The following IGSF5 variants were observed in gnomAD, a reference collection of about 807,000 sequenced individuals.
The protein encoded by IGSF5 is immunoglobulin superfamily 5 like.
Under a neutral mutation model 39.4 loss-of-function variants are expected in IGSF5, and 41 were observed. The ratio of observed to expected loss-of-function variants is 1.04; its 90% CI spans 0.81 to 1.35. IGSF5 has a LOEUF of 1.35. IGSF5 is among the 40% of genes most tolerant of loss of function. The pLI, the probability that IGSF5 is intolerant of heterozygous loss-of-function variation, is 0.00. For missense variants in IGSF5, 487 were observed against 494.6 expected (o/e 0.98, Z 0.15); for synonymous variants, 183 against 175.3 (o/e 1.04, Z -0.34).
At chr21:39,757,728 C>T (rs1002201344) in intron 2 of IGSF5, among the ~76,000 whole-genome samples, 1 of 152,048 alleles carries the variant, frequency 6.6e-6, no homozygotes, top group Non-Finnish European at 1.5e-5. Context: ...AGGTGCATAC[C>T]ACCACACCTG....
chr21:39,727,516 C>A, the IGSF5 span, among the ~76,000 whole-genome samples: 44 of 152,300 alleles, frequency 2.9e-4, no homozygotes, highest in East Asian at 2.5e-3. Context: ...ACAAGGCAAC[C>A]AAGAGCTCAG....
intron 8 of IGSF5, among the ~76,000 whole-genome samples, chr21:39,798,492 G>A (rs151228274): frequency 1.3e-5 from 2 of 152,242 alleles, no homozygotes; most frequent in Non-Finnish European, 2.9e-5. Flanking sequence ...AGCTCAGGGC[G>A]GTGTATGGCG....
the IGSF5 span, among the ~76,000 whole-genome samples, chr21:39,739,771 C>T: frequency 5.3e-5 from 8 of 152,150 alleles, no homozygotes; most frequent in South Asian, 1.2e-3. Flanking sequence ...TCCAGGGGTC[C>T]GCGGTAGATC....
the IGSF5 span, among the ~76,000 whole-genome samples, chr21:39,715,790 A>G: frequency 6.6e-6 from 1 of 152,194 alleles, no homozygotes; most frequent in Non-Finnish European, 1.5e-5. Context: ...CACGGGCTTT[A>G]TAATTAGCAT....
At chr21:39,786,852 G>A (rs878926219) in intron 5 of IGSF5, among the ~76,000 whole-genome samples, 8 of 151,828 alleles carry the variant, frequency 5.3e-5, no homozygotes, top group African/African-American at 9.7e-5. Flanking sequence ...GTAAACTATC[G>A]CAAGAACAAA....
intron 2 of IGSF5, among the ~76,000 whole-genome samples, chr21:39,754,804 G>A (rs2837157): frequency 0.71 from 107,825 of 152,100 alleles, 40,933 homozygotes; most frequent in Non-Finnish European, 0.84. Flanking sequence ...TTTAATTAAA[G>A]CAGCTTGTCT....
intron 2 of IGSF5, among the ~76,000 whole-genome samples, chr21:39,764,957 A>C (rs1356586955): frequency 1.3e-5 from 2 of 152,182 alleles, no homozygotes; most frequent in Non-Finnish European, 2.9e-5. Context: ...GGATGTTGCC[A>C]GCTGGCAGAG....
At chr21:39,754,033 T>C (rs1368024915) in intron 2 of IGSF5, among the ~76,000 whole-genome samples, 4 of 152,188 alleles carry the variant, frequency 2.6e-5, no homozygotes, top group African/African-American at 9.7e-5. Flanking sequence ...ATTCATCATG[T>C]TAGTTGTTAC....
At chr21:39,757,616 A>C (rs2146275081) in intron 2 of IGSF5, among the ~76,000 whole-genome samples, 1 of 141,828 alleles carries the variant, frequency 7.1e-6, no homozygotes, top group African/African-American at 2.7e-5. Context: ...TCGCTCTGTC[A>C]CCCAGGTTGG....
At chr21:39,718,656 G>T in the IGSF5 span, among the ~76,000 whole-genome samples, 1 of 152,172 alleles carries the variant, frequency 6.6e-6, no homozygotes, top group Non-Finnish European at 1.5e-5. Flanking sequence ...CACATTTATT[G>T]ATTTTCATAT....
rs761886588 is a variant in IGSF5 at position 39,771,178 on chromosome 21, T to G, written c.681T>G (p.Ser227=). ...ATWKSLKARK[S]ATVNLTVIRC... ...GGAAGAGCCTGAAGGCCCGCAAGTC[T>G]GCAACTGTAAATCTCACTGTGATTC... Residue 227 remains serine, a synonymous_variant, in exon 4 of 9, where the codon TCT becomes TCG. Transcript: ENST00000380588. 5.6e-6 allele frequency: 9 copies of G among 1,596,820 alleles called. No individual in the cohort carries two copies. Among genetic ancestry groups the G allele is most frequent in the Non-Finnish European group, 7.7e-6 (9 of 1,169,566 alleles).
chr21:39,718,053 C>G, the IGSF5 span, among the ~76,000 whole-genome samples: 1 of 151,426 alleles, frequency 6.6e-6, no homozygotes, highest in Admixed American at 6.6e-5. Context: ...TTGTAGAGAT[C>G]TTTCACATCC....
intron 2 of IGSF5, among the ~76,000 whole-genome samples, chr21:39,760,038 C>G (rs2080053581): frequency 6.6e-6 from 1 of 152,008 alleles, no homozygotes; most frequent in Non-Finnish European, 1.5e-5. Flanking sequence ...TAATGAATAC[C>G]AAAGCGTTCA....
chr21:39,763,606 AG>A (rs1032952961), intron 2 of IGSF5, among the ~76,000 whole-genome samples: 15 of 152,146 alleles, frequency 9.9e-5, no homozygotes, highest in African/African-American at 3.4e-4. Flanking sequence ...GGGGTTTCAG[AG>A]GGATGCTTGT....
intron 4 of IGSF5, among the ~76,000 whole-genome samples, chr21:39,774,592 A>G (rs1217887686): frequency 6.6e-6 from 1 of 152,214 alleles, no homozygotes; most frequent in Non-Finnish European, 1.5e-5. Flanking sequence ...CAGAAATGAT[A>G]CAAACCTCGA....
intron 2 of IGSF5, among the ~76,000 whole-genome samples, chr21:39,762,061 A>G (rs902217731): frequency 5.3e-5 from 8 of 152,146 alleles, no homozygotes; most frequent in Non-Finnish European, 1.0e-4. Context: ...AGGGCTCGAG[A>G]TGTGGATTTG....
intron 8 of IGSF5, among the ~76,000 whole-genome samples, chr21:39,794,075 G>A (rs1220592362): frequency 6.6e-6 from 1 of 152,218 alleles, no homozygotes; most frequent in Non-Finnish European, 1.5e-5. Context: ...GATCAGGACA[G>A]AGAAAATGTA....
At chr21:39,724,097 TAAAATAAAATAAAATAAA>T in the IGSF5 span, among the ~76,000 whole-genome samples, 1 of 149,870 alleles carries the variant, frequency 6.7e-6, no homozygotes, top group Non-Finnish European at 1.5e-5. Context: ...TAAAATAAAA[TAAAATAAAATAAAATAAA>T]ATAAAATAAA....
chr21:39,788,948 A>G (rs1601140790), intron 6 of IGSF5, among the ~76,000 whole-genome samples: 2 of 152,282 alleles, frequency 1.3e-5, no homozygotes, highest in Admixed American at 1.3e-4. Flanking sequence ...CATTCTGTGA[A>G]TGAATATGGA....
Sources: gnomAD v4.1 joint callset for allele counts (sites outside exome capture counted in the v4.1 genomes callset) on GRCh38, gnomAD v4.1.1 for gene constraint, MANE v1.5 for transcripts, NCBI Gene and HGNC (gene_info 2026-07-23, HGNC 2026-07-21) for gene names.